The following FHIT variants were observed in gnomAD, a reference collection of about 807,000 sequenced individuals.
The protein encoded by FHIT is bis(5'-adenosyl)-triphosphatase.
In FHIT, 19 loss-of-function variants were observed where a neutral mutation model predicts 17.9. That is an observed-to-expected ratio of 1.06 (90% confidence interval 0.74 to 1.56). FHIT has a LOEUF of 1.56. Ranked by LOEUF, FHIT falls within the 40% of genes most tolerant of loss-of-function variation. The probability of loss-of-function intolerance (pLI) is 0.00; values close to 1 mark genes in which losing one functional copy is unlikely to be tolerated. For synonymous variants in FHIT, 81 were observed against 69.7 expected (o/e 1.16, Z -0.81); for missense variants, 248 against 189.2 (o/e 1.31, Z -1.82).
At chr3:60,659,528 T>C (rs2040192319) in intron 4 of FHIT, among the ~76,000 whole-genome samples, 2 of 152,176 alleles carry the variant, frequency 1.3e-5, no homozygotes, top group Admixed American at 6.6e-5. Flanking sequence ...TGACTCTTTC[T>C]TCTACCTGTT....
At chr3:61,228,053 T>C (rs2040012837) in intron 1 of FHIT, among the ~76,000 whole-genome samples, 1 of 152,060 alleles carries the variant, frequency 6.6e-6, no homozygotes, top group Admixed American at 6.5e-5. Context: ...TTTAAAGCAA[T>C]ACAGTGTAAA....
At chr3:60,539,694 A>G (rs2036116271) in intron 4 of FHIT, among the ~76,000 whole-genome samples, 1 of 152,226 alleles carries the variant, frequency 6.6e-6, no homozygotes, top group Non-Finnish European at 1.5e-5. Flanking sequence ...CACAAGGACA[A>G]AAAACCAAAC....
At chr3:61,054,630 T>C (rs560324701) in intron 2 of FHIT, among the ~76,000 whole-genome samples, 1 of 152,312 alleles carries the variant, frequency 6.6e-6, no homozygotes, top group East Asian at 1.9e-4. Flanking sequence ...CTAGAGAGGT[T>C]CTGTATAAAC....
At chr3:60,904,937 TA>T (rs34683848) in intron 3 of FHIT, among the ~76,000 whole-genome samples, 65,351 of 132,178 alleles carry the variant, frequency 0.49, 15,852 homozygotes, top group Middle Eastern at 0.66. Flanking sequence ...AGACTTGGTC[TA>T]AAAAAAAAAA....
intron 1 of FHIT, among the ~76,000 whole-genome samples, chr3:61,226,137 C>CCCCT (rs1488356551): frequency 4.6e-5 from 7 of 152,166 alleles, no homozygotes; most frequent in Non-Finnish European, 1.0e-4. Context: ...AAGCCCTGTG[C>CCCCT]CCCTAGTCCC....
intron 5 of FHIT, among the ~76,000 whole-genome samples, chr3:60,214,068 G>A (rs977717755): frequency 5.3e-5 from 8 of 152,076 alleles, no homozygotes; most frequent in African/African-American, 7.2e-5. Context: ...CGTGACTAGC[G>A]CAATGGGAAG....
chr3:60,924,531 G>A (rs569055096), intron 3 of FHIT, among the ~76,000 whole-genome samples: 11 of 152,142 alleles, frequency 7.2e-5, no homozygotes, highest in South Asian at 2.1e-4. Flanking sequence ...CAAACAGAAA[G>A]GACATCCACA....
At chr3:60,325,113 A>AT (rs33969323) in intron 5 of FHIT, among the ~76,000 whole-genome samples, 96,095 of 151,884 alleles carry the variant, frequency 0.63, 31,014 homozygotes, top group South Asian at 0.71. Context: ...AGAGAAAACA[A>AT]TTTTTTTCAT....
chr3:59,989,937 T>C (rs1306193828), intron 7 of FHIT, among the ~76,000 whole-genome samples: 1 of 152,050 alleles, frequency 6.6e-6, no homozygotes, highest in Non-Finnish European at 1.5e-5. Flanking sequence ...TTATTTCTAG[T>C]ACATAGTAGA....
chr3:60,728,728 C>CAT, intron 4 of FHIT, among the ~76,000 whole-genome samples: 1 of 151,652 alleles, frequency 6.6e-6, no homozygotes, highest in Non-Finnish European at 1.5e-5. Flanking sequence ...CACACACACA[C>CAT]ACAATTGGCA....
At chr3:60,586,837 T>C (rs1553662251) in intron 4 of FHIT, among the ~76,000 whole-genome samples, 1 of 151,886 alleles carries the variant, frequency 6.6e-6, no homozygotes, top group African/African-American at 2.4e-5. Context: ...CAATGGGACC[T>C]GCTTGAGGGC....
chr3:60,390,284 A>T (rs1425085566), intron 5 of FHIT, among the ~76,000 whole-genome samples: 1 of 151,868 alleles, frequency 6.6e-6, no homozygotes, highest in Non-Finnish European at 1.5e-5. Context: ...AAGATGAAAA[A>T]TTTTTAGTCC....
chr3:60,158,763 T>G (rs1421300383), intron 5 of FHIT, among the ~76,000 whole-genome samples: 1 of 152,156 alleles, frequency 6.6e-6, no homozygotes, highest in African/African-American at 2.4e-5. Flanking sequence ...TTTAGAGATG[T>G]GAGATATCCA....
At chr3:59,917,626 C>T (rs917472265) in intron 8 of FHIT, among the ~76,000 whole-genome samples, 1 of 152,110 alleles carries the variant, frequency 6.6e-6, no homozygotes, top group Non-Finnish European at 1.5e-5. Context: ...TTGGGAGCTA[C>T]AGATAAATAA....
At chr3:60,228,077 A>G (rs9832192) in intron 5 of FHIT, among the ~76,000 whole-genome samples, 47,611 of 151,998 alleles carry the variant, frequency 0.31, 8,726 homozygotes, top group African/African-American at 0.51. Flanking sequence ...AGATGACCCT[A>G]TCACTCCAGA....
At chr3:60,904,576 T>C (rs1553764031) in intron 3 of FHIT, among the ~76,000 whole-genome samples, 2 of 151,826 alleles carry the variant, frequency 1.3e-5, no homozygotes, top group East Asian at 3.9e-4. Flanking sequence ...AAATAAAAAA[T>C]TAAGTGCATG....
intron 5 of FHIT, among the ~76,000 whole-genome samples, chr3:60,345,592 T>A (rs1165663691): frequency 2.0e-5 from 3 of 152,190 alleles, no homozygotes; most frequent in Non-Finnish European, 2.9e-5. Flanking sequence ...ATCCAGTTTG[T>A]GACTAAAAGA....
intron 5 of FHIT, among the ~76,000 whole-genome samples, chr3:60,069,101 T>C (rs1317807635): frequency 6.6e-6 from 1 of 151,116 alleles, no homozygotes; most frequent in Non-Finnish European, 1.5e-5. Context: ...TATAATATGA[T>C]CCTGTTTATA....
intron 5 of FHIT, among the ~76,000 whole-genome samples, chr3:60,033,417 C>T (rs1245055082): frequency 6.6e-6 from 1 of 151,874 alleles, no homozygotes; most frequent in South Asian, 2.1e-4. Flanking sequence ...TCGCTTGAAC[C>T]TGGGAGGCAG....
Sources: gnomAD v4.1 joint callset for allele counts (sites outside exome capture counted in the v4.1 genomes callset) on GRCh38, gnomAD v4.1.1 for gene constraint, MANE v1.5 for transcripts, NCBI Gene and HGNC (gene_info 2026-07-23, HGNC 2026-07-21) for gene names.